The following PKHD1 variants were observed in gnomAD, a reference collection of about 807,000 sequenced individuals.
PKHD1 encodes PKHD1 ciliary IPT domain containing fibrocystin/polyductin, also known as fibrocystin.
Under a neutral mutation model 412.0 loss-of-function variants are expected in PKHD1, and 291 were observed. The ratio of observed to expected loss-of-function variants is 0.71; its 90% CI spans 0.64 to 0.78. The LOEUF (loss-of-function observed/expected upper bound fraction) is 0.78, where lower values mean the gene tolerates loss of function less well. Ranked by LOEUF, PKHD1 falls within the 30% of genes least tolerant of loss-of-function variation. The pLI, the probability that PKHD1 is intolerant of heterozygous loss-of-function variation, is 0.00. For missense variants in PKHD1, 4,825 were observed against 4,950.7 expected (o/e 0.97, Z 0.76); for synonymous variants, 1,777 against 1,821.5 (o/e 0.98, Z 0.62).
intron 43 of PKHD1, among the ~76,000 whole-genome samples, chr6:51,899,171 C>T (rs1780748665): frequency 6.6e-6 from 1 of 152,152 alleles, no homozygotes; most frequent in Non-Finnish European, 1.5e-5. Flanking sequence ...ATTTATGAGG[C>T]CAGCATCATT....
intron 24 of PKHD1, 104 bp from the exon 25 acceptor site, chr6:52,045,192 A>G: frequency 2.7e-6 from 3 of 1,118,112 alleles, no homozygotes; most frequent in Non-Finnish European, 4.0e-6. Context: ...AGATAATCAG[A>G]CAGCTAGAAA....
chr6:51,748,756 T>C, intron 57 of PKHD1, 91 bp from the exon 58 acceptor site: 1 of 1,045,000 alleles, frequency 9.6e-7, no homozygotes, highest in Non-Finnish European at 1.5e-6. Flanking sequence ...TATGAACATT[T>C]TTAATGAAAA....
Position 51,754,821 on chromosome 6 carries a change from A to T in PKHD1, c.8760T>A (p.His2920Gln). Reference sequence around the variant, plus strand: ...GTTTGAGCCGTTCATAGATCCTCACATGGTGGCCCTTGACTTCTTTCACAG... The same window carrying T: ...GTTTGAGCCGTTCATAGATCCTCACTTGGTGGCCCTTGACTTCTTTCACAG... ...VLTVKEVKGH[H>Q]VRIYERLKHR... is the part of the protein sequence containing the mutation. The change falls in exon 56 of 67, where the codon CAT becomes CAA. Residue 2920 changes from histidine (H) to glutamine (Q), a missense_variant. Physicochemically the swap from His to Gln is conservative, Grantham distance 24 (BLOSUM62 0). Coordinates refer to ENST00000371117, the MANE Select transcript of PKHD1 (RefSeq NM_138694.4). 1 of 1,613,548 alleles carries T rather than the reference A, an allele frequency of 6.2e-7. No homozygotes were observed. Among genetic ancestry groups the T allele is most frequent in the Non-Finnish European group, 8.5e-7 (1 of 1,179,584 alleles).
intron 19 of PKHD1, among the ~76,000 whole-genome samples, chr6:52,054,703 A>G (rs182830993): frequency 1.2e-3 from 178 of 152,318 alleles, no homozygotes; most frequent in African/African-American, 4.0e-3. Flanking sequence ...TCTGTGCATT[A>G]TAGGATGTTC....
rs1209820606 is a variant in PKHD1 at position 51,984,171 on chromosome 6, T to C, written c.5752-24145A>G. ...ATTAGAAAGACAAGATAAAAACACG[T>C]ATTCTTTATGGGTAATGCCATTAAA... On this transcript the variant is annotated intron_variant, in intron 35 of 66. Coordinates refer to ENST00000371117, the MANE Select transcript of PKHD1 (RefSeq NM_138694.4). Among the ~76,000 whole-genome samples, 4 of 152,220 alleles carry C rather than the reference T, an allele frequency of 2.6e-5. No individual in the cohort carries two copies. In the East Asian group the frequency reaches 5.8e-4, roughly 22 times the overall value.
At chr6:51,726,854 A>G (rs1017892609) in intron 60 of PKHD1, among the ~76,000 whole-genome samples, 1 of 152,182 alleles carries the variant, frequency 6.6e-6, no homozygotes, top group African/African-American at 2.4e-5. Flanking sequence ...CTTATGCCCT[A>G]ATCCTGATTA....
intron 33 of PKHD1, among the ~76,000 whole-genome samples, chr6:52,021,779 CCTT>C (rs1204414359): frequency 1.3e-5 from 2 of 152,154 alleles, no homozygotes; most frequent in Non-Finnish European, 2.9e-5. Context: ...TCCTTCCCCT[CCTT>C]CTCCTCTTTG....
At chr6:52,040,000 T>G (rs773917812) in intron 27 of PKHD1, among the ~76,000 whole-genome samples, 1 of 152,200 alleles carries the variant, frequency 6.6e-6, no homozygotes, top group African/African-American at 2.4e-5. Context: ...AGAAGCCAGA[T>G]GTAAAAGGTC....
chr6:51,814,219 G>A (rs1765113511), intron 52 of PKHD1, among the ~76,000 whole-genome samples: 1 of 152,118 alleles, frequency 6.6e-6, no homozygotes, highest in Non-Finnish European at 1.5e-5. Flanking sequence ...AATTCATTCA[G>A]ACTTGCAAGA....
At chr6:52,075,826 C>A (rs1224177099) in intron 6 of PKHD1, among the ~76,000 whole-genome samples, 1 of 152,078 alleles carries the variant, frequency 6.6e-6, no homozygotes, top group Admixed American at 6.6e-5. Flanking sequence ...TAACCTTTTG[C>A]TACCTCATTT....
intron 55 of PKHD1, among the ~76,000 whole-genome samples, chr6:51,764,722 C>T (rs1788684668): frequency 6.6e-6 from 1 of 152,042 alleles, no homozygotes; most frequent in Non-Finnish European, 1.5e-5. Context: ...TGTATGTGGC[C>T]CTGACACTTA....
chr6:51,908,638 T>G (rs1782501874), intron 40 of PKHD1, among the ~76,000 whole-genome samples: 1 of 152,182 alleles, frequency 6.6e-6, no homozygotes, highest in Non-Finnish European at 1.5e-5. Context: ...GGTCATATTC[T>G]GTTTTTCTGA....
At position 51,836,828 on chromosome 6, in the gene PKHD1, T is replaced by C. The variant is rs1307226198; in HGVS notation, c.8108-359A>G. 2.0e-5 allele frequency among the ~76,000 whole-genome samples: 3 copies of C among 152,204 alleles called. No homozygotes were observed. In the East Asian group the frequency reaches 5.8e-4, roughly 29 times the overall value. ...TTCATCATTTTGTAGGCTCAGCTTT[T>C]AGAATTCATGTGTTTTTCACCAATA... On this transcript the variant is annotated intron_variant, in intron 50 of 66. Coordinates refer to ENST00000371117, the MANE Select transcript of PKHD1 (RefSeq NM_138694.4).
At position 51,632,620 on chromosome 6, in the gene PKHD1, T is replaced by C. The variant is rs1267285790; in HGVS notation, c.11610A>G (p.Ser3870=). ...ACACCAGACAGCTCAGAGCCAGCCA[T>C]GAGGCCACAGAGGACAGGGAAGCAG... is the stretch of plus-strand genomic sequence containing the variant. ...ILAASLSSVA[S]WLALSCLVCC... Residue 3870 remains serine (S), a synonymous_variant, in exon 65 of 67, where the codon TCA becomes TCG. Coordinates refer to ENST00000371117, the MANE Select transcript of PKHD1 (RefSeq NM_138694.4). 3.7e-6 allele frequency: 6 copies of C among 1,613,552 alleles called. No homozygotes were observed. The highest frequency in any genetic ancestry group is 3.3e-5 in the Admixed American group (2 of 59,940).
intron 36 of PKHD1, among the ~76,000 whole-genome samples, chr6:51,947,696 G>A (rs757467905): frequency 5.9e-5 from 9 of 151,988 alleles, no homozygotes; most frequent in Non-Finnish European, 1.3e-4. Flanking sequence ...CTCTAAACAC[G>A]TTTCTTATCA....
chr6:51,846,084 C>T (rs773325624), intron 50 of PKHD1, among the ~76,000 whole-genome samples: 3 of 152,102 alleles, frequency 2.0e-5, no homozygotes, highest in South Asian at 2.1e-4. Flanking sequence ...AATCTCTGTC[C>T]GTCTCAAGTT....
At chr6:51,977,925 C>A (rs1794665812) in intron 35 of PKHD1, among the ~76,000 whole-genome samples, 1 of 152,152 alleles carries the variant, frequency 6.6e-6, no homozygotes, top group Admixed American at 6.5e-5. Flanking sequence ...TTAAAGAGAT[C>A]TTTCCCAAGA....
At chr6:51,872,174 A>G (rs895218357) in intron 46 of PKHD1, among the ~76,000 whole-genome samples, 2 of 152,098 alleles carry the variant, frequency 1.3e-5, no homozygotes, top group African/African-American at 2.4e-5. Context: ...AGAGGAAAAC[A>G]TAGGGGAAAG....
intron 35 of PKHD1, among the ~76,000 whole-genome samples, chr6:52,007,687 C>A (rs1799266597): frequency 6.6e-6 from 1 of 152,172 alleles, no homozygotes; most frequent in African/African-American, 2.4e-5. Context: ...TAGTTATAAG[C>A]CCTCCACCTA....
Sources: allele counts gnomAD v4.1 joint callset (sites outside exome capture counted in the v4.1 genomes callset), GRCh38; gene constraint gnomAD v4.1.1; transcripts MANE v1.5; gene names NCBI Gene and HGNC (gene_info 2026-07-23, HGNC 2026-07-21).